The following LRTM1 variants were observed in gnomAD, a reference collection of about 807,000 sequenced individuals.
LRTM1 encodes leucine-rich repeat and transmembrane domain-containing protein 1.
In LRTM1, 38 loss-of-function variants were observed where a neutral mutation model predicts 32.4. That is an observed-to-expected ratio of 1.17 (90% CI 0.91 to 1.54). The LOEUF is 1.54. Among genes scored for constraint, LRTM1 ranks in the 40% most tolerant of loss-of-function variants. The pLI, the probability that LRTM1 is intolerant of heterozygous loss-of-function variation, is 0.00. For missense variants in LRTM1, 466 were observed against 415.4 expected, an observed-to-expected ratio of 1.12 and a Z score of -1.06; for synonymous variants, 186 against 169.9, an observed-to-expected ratio of 1.09 and a Z score of -0.74.
At chr3:54,964,146 G>T (rs2107055787) in intron 1 of LRTM1, among the ~76,000 whole-genome samples, 1 of 152,112 alleles carries the variant, frequency 6.6e-6, no homozygotes, top group African/African-American at 2.4e-5. Context: ...GTCCTAGGAG[G>T]CTCACCCCAT....
intron 1 of LRTM1, among the ~76,000 whole-genome samples, chr3:54,952,013 T>C (rs1252910387): frequency 6.6e-6 from 1 of 152,104 alleles, no homozygotes; most frequent in Non-Finnish European, 1.5e-5. Flanking sequence ...CATACCTGGC[T>C]AATTTTTGTC....
intron 1 of LRTM1, among the ~76,000 whole-genome samples, chr3:54,960,144 A>C (rs959425893): frequency 6.6e-6 from 1 of 151,936 alleles, no homozygotes; most frequent in Non-Finnish European, 1.5e-5. Context: ...GCCTTCCTAC[A>C]CTGGTTCCCA....
chr3:54,948,818 TG>T (rs1233581881), intron 1 of LRTM1, among the ~76,000 whole-genome samples: 1 of 152,228 alleles, frequency 6.6e-6, no homozygotes, highest in Non-Finnish European at 1.5e-5. Context: ...CAGTTGCATC[TG>T]TCAGGAGCTG....
At chr3:54,943,517 G>C (rs759647168) in intron 1 of LRTM1, among the ~76,000 whole-genome samples, 88 of 152,166 alleles carry the variant, frequency 5.8e-4, no homozygotes, top group Non-Finnish European at 1.0e-3. Flanking sequence ...ATATTATTAG[G>C]ACAATCTATG....
In LRTM1 at chr3:54,925,530, G is replaced by T. The variant is rs369340637; in HGVS notation, c.8-315C>A. On this transcript the variant is annotated intron_variant, in intron 1 of 2. Coordinates refer to ENST00000273286, the MANE Select transcript of LRTM1 (RefSeq NM_020678.4). ...AGAAGGGTGAAAAAAAATATTTGGGGTGTATATGCCGTTTGTAGGCCACAA... is the reference window on the plus strand; with the variant it reads ...AGAAGGGTGAAAAAAAATATTTGGGTTGTATATGCCGTTTGTAGGCCACAA... 3.9e-5 allele frequency among the ~76,000 whole-genome samples: 6 copies of T among 152,284 alleles called. No individual in the cohort carries two copies. In the East Asian group the frequency reaches 1.2e-3, roughly 29 times the overall value.
intron 1 of LRTM1, among the ~76,000 whole-genome samples, chr3:54,944,053 G>A (rs937723054): frequency 2.6e-5 from 4 of 152,102 alleles, no homozygotes; most frequent in African/African-American, 9.7e-5. Context: ...GAATTTTGAA[G>A]GCATTGCTCC....
upstream of LRTM1, among the ~76,000 whole-genome samples, chr3:54,928,956 A>G (rs767096125): frequency 6.6e-6 from 1 of 152,076 alleles, no homozygotes; most frequent in African/African-American, 2.4e-5. Context: ...ATCCCCTGCC[A>G]TTTGCTGAGG....
chr3:54,934,485 T>C (rs1006052451), intron 1 of LRTM1, among the ~76,000 whole-genome samples: 8 of 152,174 alleles, frequency 5.3e-5, no homozygotes, highest in Admixed American at 2.0e-4. Context: ...TGCATATGAA[T>C]ATCAGCGGAG....
chr3:54,953,692 C>T (rs1701812761), intron 1 of LRTM1, among the ~76,000 whole-genome samples: 1 of 152,214 alleles, frequency 6.6e-6, no homozygotes, highest in Non-Finnish European at 1.5e-5. Flanking sequence ...AGCCATTGTG[C>T]TGGTTGTTTC....
chr3:54,933,830 C>T (rs1413712365), intron 1 of LRTM1, among the ~76,000 whole-genome samples: 2 of 151,288 alleles, frequency 1.3e-5, no homozygotes, highest in Non-Finnish European at 2.9e-5. Context: ...GTGCAGTGGC[C>T]TGGTCTCAGC....
intron 1 of LRTM1, among the ~76,000 whole-genome samples, chr3:54,933,375 A>T (rs559542625): frequency 6.6e-6 from 1 of 152,176 alleles, no homozygotes; most frequent in Non-Finnish European, 1.5e-5. Context: ...CCTGGGCTCC[A>T]TGGTGTCATT....
At chr3:54,965,771 C>T (rs149055226) in intron 1 of LRTM1, among the ~76,000 whole-genome samples, 85 of 152,330 alleles carry the variant, frequency 5.6e-4, no homozygotes, top group African/African-American at 1.9e-3. Flanking sequence ...AGCCGGAACA[C>T]AGCTAGGTCA....
intron 1 of LRTM1, among the ~76,000 whole-genome samples, chr3:54,953,733 C>T (rs780033615): frequency 2.6e-5 from 4 of 152,270 alleles, no homozygotes; most frequent in East Asian, 1.9e-4. Flanking sequence ...GGGGCAACCT[C>T]GGGCTCCTGC....
At chr3:54,943,902 G>A (rs899427399) in intron 1 of LRTM1, among the ~76,000 whole-genome samples, 1 of 151,978 alleles carries the variant, frequency 6.6e-6, no homozygotes, top group African/African-American at 2.4e-5. Context: ...TCTCATTTAG[G>A]TGATGAACAT....
chr3:54,944,396 GTATTTATT>G lies in LRTM1; in HGVS notation c.-221-19189_-221-19182del, dbSNP rs542683931. On this transcript the variant is annotated intron_variant, in intron 1 of 2. Transcript: ENST00000493075. The stretch of plus-strand genomic sequence containing the variant: ...ACTGTTTTATTTTAAATTTCCCAGG[GTATTTATT>G]TATTTATTTATTTATTTATTTATTT... Among the ~76,000 whole-genome samples, 521 of 148,628 alleles carry G rather than the reference GTATTTATT, an allele frequency of 3.5e-3. 6 individuals are homozygous for G. Among genetic ancestry groups the G allele is most frequent in the Admixed American group, 8.0e-3 (119 of 14,900 alleles).
chr3:54,918,292 C>A lies in LRTM1; in HGVS notation c.*167G>T. 2.9e-6 allele frequency: 2 copies of A among 682,980 alleles called. No homozygotes were observed. The highest frequency in any genetic ancestry group is 4.8e-6 in the Non-Finnish European group (2 of 413,386). The allele number at this position is 682,980 out of a possible 1,614,324, so 42.3% of individuals were successfully genotyped here. On this transcript the variant is annotated 3_prime_UTR_variant, in exon 3 of 3. Transcript: ENST00000273286. The stretch of plus-strand genomic sequence containing the variant: ...ATTTTAAAAATCGCAACATAAATTC[C>A]TCCCCAGAAATATTTTTTACAGACA...
intron 2 of LRTM1, 143 bp downstream of exon 2, chr3:54,924,476 A>G: frequency 7.5e-6 from 5 of 668,402 alleles, no homozygotes; most frequent in Non-Finnish European, 1.3e-5. Context: ...CTCTTTTGCC[A>G]TACCGTGAAA....
At chr3:54,956,380 A>G (rs529696752) in intron 1 of LRTM1, among the ~76,000 whole-genome samples, 66 of 152,264 alleles carry the variant, frequency 4.3e-4, no homozygotes, top group Admixed American at 9.2e-4. Flanking sequence ...CAAGGGGACA[A>G]TTTTGCTGTG....
chr3:54,949,945 G>A (rs7627714), intron 1 of LRTM1, among the ~76,000 whole-genome samples: 69,702 of 152,082 alleles, frequency 0.46, 16,756 homozygotes, highest in East Asian at 0.75. Context: ...TGTTTCTCTA[G>A]CTATTAAAGG....
Sources: allele counts gnomAD v4.1 joint callset (sites outside exome capture counted in the v4.1 genomes callset), GRCh38; gene constraint gnomAD v4.1.1; transcripts MANE v1.5; gene names NCBI Gene and HGNC (gene_info 2026-07-23, HGNC 2026-07-21).